Variants in CADM2 observed in about 807,000 individuals in gnomAD.
The protein encoded by CADM2 is immunoglobulin superfamily member 4D.
CADM2 carries 12 observed loss-of-function variants against 49.8 expected under a neutral mutation model. The ratio of observed to expected loss-of-function variants is 0.24; its 90% CI spans 0.15 to 0.39. CADM2 has a LOEUF of 0.39. Ranked by LOEUF, CADM2 falls within the 10% of genes least tolerant of loss-of-function variation. The pLI is 1.00. For missense variants in CADM2, 378 were observed against 492.3 expected (o/e 0.77, Z 2.20); for synonymous variants, 214 against 175.4 (o/e 1.22, Z -1.74).
intron 1 of CADM2, among the ~76,000 whole-genome samples, chr3:84,985,564 AAG>A (rs1267822404): frequency 7.2e-6 from 1 of 139,578 alleles, no homozygotes; most frequent in African/African-American, 2.7e-5. Context: ...AATAATAATG[AAG>A]AGAGAACAAG....
chr3:85,444,914 T>C (rs1157146373), intron 1 of CADM2, among the ~76,000 whole-genome samples: 2 of 152,190 alleles, frequency 1.3e-5, no homozygotes, highest in Non-Finnish European at 2.9e-5. Flanking sequence ...ATTCTCATCA[T>C]ATTCTTCTTG....
intron 1 of CADM2, among the ~76,000 whole-genome samples, chr3:85,050,436 C>G (rs1312378089): frequency 2.6e-5 from 4 of 152,056 alleles, no homozygotes; most frequent in Non-Finnish European, 5.9e-5. Flanking sequence ...GAACAAAATG[C>G]AGCTAAAGAT....
At chr3:85,013,820 T>C (rs1423259343) in intron 1 of CADM2, among the ~76,000 whole-genome samples, 2 of 147,700 alleles carry the variant, frequency 1.4e-5, no homozygotes, top group African/African-American at 4.9e-5. Context: ...ATTTTAATTA[T>C]AATTAATTAA....
intron 1 of CADM2, among the ~76,000 whole-genome samples, chr3:85,292,206 T>A (rs1167744206): frequency 6.7e-6 from 1 of 149,360 alleles, no homozygotes; most frequent in Non-Finnish European, 1.5e-5. Flanking sequence ...CATTACATAA[T>A]GGTAAAGGGA....
chr3:85,925,970 T>C (rs1719781346), intron 6 of CADM2, among the ~76,000 whole-genome samples: 1 of 151,840 alleles, frequency 6.6e-6, no homozygotes, highest in African/African-American at 2.4e-5. Context: ...ACCCCGTCTC[T>C]ATTAAAAATA....
chr3:85,304,921 A>G (rs917391811), intron 1 of CADM2, among the ~76,000 whole-genome samples: 1 of 151,742 alleles, frequency 6.6e-6, no homozygotes, highest in African/African-American at 2.4e-5. Context: ...TGTCCAATGT[A>G]GGTGATAAAT....
intron 1 of CADM2, among the ~76,000 whole-genome samples, chr3:85,535,569 T>C (rs1376565704): frequency 6.6e-6 from 1 of 152,172 alleles, no homozygotes; most frequent in African/African-American, 2.4e-5. Context: ...TCTAACATGA[T>C]GCCATCCCCT....
At chr3:85,270,138 G>T (rs549713889) in intron 1 of CADM2, among the ~76,000 whole-genome samples, 2 of 151,074 alleles carry the variant, frequency 1.3e-5, no homozygotes, top group African/African-American at 4.8e-5. Flanking sequence ...CTCCTAAACC[G>T]CTCTCTGAAT....
chr3:85,301,867 G>A (rs2044109528), intron 1 of CADM2, among the ~76,000 whole-genome samples: 1 of 151,990 alleles, frequency 6.6e-6, no homozygotes, highest in African/African-American at 2.4e-5. Context: ...TACAATTAGA[G>A]TAACATTTCT....
intron 1 of CADM2, among the ~76,000 whole-genome samples, chr3:85,241,323 A>C (rs896610630): frequency 6.6e-6 from 1 of 151,538 alleles, no homozygotes; most frequent in Non-Finnish European, 1.5e-5. Context: ...ATATGATAAG[A>C]GATTAATTTC....
At chr3:85,458,062 T>A (rs1419242757) in intron 1 of CADM2, among the ~76,000 whole-genome samples, 1 of 152,222 alleles carries the variant, frequency 6.6e-6, no homozygotes, top group East Asian at 1.9e-4. Context: ...ATGGTCTACA[T>A]CAACTATTCC....
At chr3:85,915,643 A>G (rs1387383952) in intron 6 of CADM2, among the ~76,000 whole-genome samples, 4 of 152,078 alleles carry the variant, frequency 2.6e-5, no homozygotes, top group Non-Finnish European at 4.4e-5. Flanking sequence ...TGCAATCTAG[A>G]TTATATAGAA....
chr3:85,206,660 A>G (rs959103887), intron 1 of CADM2, among the ~76,000 whole-genome samples: 1 of 152,090 alleles, frequency 6.6e-6, no homozygotes, highest in Non-Finnish European at 1.5e-5. Context: ...GACTGTCTTG[A>G]TAAAATAGCT....
At chr3:85,887,984 C>A (rs961466592) in intron 5 of CADM2, among the ~76,000 whole-genome samples, 16 of 152,188 alleles carry the variant, frequency 1.1e-4, no homozygotes, top group Admixed American at 3.3e-4. Flanking sequence ...TGAACTCTTA[C>A]ACGTCACATA....
intron 3 of CADM2, among the ~76,000 whole-genome samples, chr3:85,851,449 C>T (rs577736784): frequency 6.6e-6 from 1 of 152,054 alleles, no homozygotes; most frequent in Admixed American, 6.5e-5. Flanking sequence ...CAATTCAAAT[C>T]TCCTCTTAGG....
At chr3:85,687,332 A>G (rs2107671957) in intron 1 of CADM2, among the ~76,000 whole-genome samples, 1 of 152,312 alleles carries the variant, frequency 6.6e-6, no homozygotes, top group Admixed American at 6.5e-5. Context: ...CTTTAGCCAT[A>G]GTTGCTTTTG....
chr3:85,186,458 G>GTAGATACAT (rs2041067071), intron 1 of CADM2, among the ~76,000 whole-genome samples: 1 of 151,908 alleles, frequency 6.6e-6, no homozygotes, highest in African/African-American at 2.4e-5. Flanking sequence ...AGAAAAACTT[G>GTAGATACAT]TAGATACATT....
At chr3:85,864,885 C>G (rs1188487552) in intron 3 of CADM2, among the ~76,000 whole-genome samples, 1 of 152,010 alleles carries the variant, frequency 6.6e-6, no homozygotes, top group African/African-American at 2.4e-5. Context: ...TTTTTTCTAG[C>G]CTTTCTCCTT....
chr3:85,732,516 T>C (rs2067975643), intron 2 of CADM2, among the ~76,000 whole-genome samples: 1 of 152,174 alleles, frequency 6.6e-6, no homozygotes, highest in Non-Finnish European at 1.5e-5. Context: ...AAGATTGCCT[T>C]CTAAATCTAC....
Sources: gnomAD v4.1 joint callset for allele counts (sites outside exome capture counted in the v4.1 genomes callset) on GRCh38, gnomAD v4.1.1 for gene constraint, MANE v1.5 for transcripts, NCBI Gene and HGNC (gene_info 2026-07-23, HGNC 2026-07-21) for gene names.